The following SNX13 variants were observed in gnomAD, a reference collection of about 807,000 sequenced individuals.
SNX13 encodes sorting nexin-13.
In SNX13, 45 loss-of-function variants were observed where a neutral mutation model predicts 133.6. The ratio of observed to expected loss-of-function variants is 0.34; its 90% CI spans 0.27 to 0.43. The LOEUF (loss-of-function observed/expected upper bound fraction) is 0.43. Among genes scored for constraint, SNX13 ranks in the 20% least tolerant of loss-of-function variants. SNX13 has a pLI of 1.00. For missense variants in SNX13, 1,032 were observed against 1,145.1 expected (o/e 0.90, Z 1.43); for synonymous variants, 414 against 373.9 (o/e 1.11, Z -1.24).
At chr7:17,842,341 C>T (rs1789998076) in intron 12 of SNX13, among the ~76,000 whole-genome samples, 2 of 151,874 alleles carry the variant, frequency 1.3e-5, no homozygotes, top group Admixed American at 1.3e-4. Context: ...ATACTGTCAA[C>T]CAAGTTCCTA....
chr7:17,843,181 G>A (rs1054886130), intron 12 of SNX13, among the ~76,000 whole-genome samples: 1 of 151,924 alleles, frequency 6.6e-6, no homozygotes, highest in Non-Finnish European at 1.5e-5. Context: ...ATGATATACT[G>A]TCTACAAAGA....
In SNX13 at chr7:17,904,460, T is replaced by C. The variant is rs544058601; in HGVS notation, c.13-7014A>G. 5.3e-5 allele frequency among the ~76,000 whole-genome samples: 8 copies of C among 152,294 alleles called. No individual in the cohort carries two copies. In the South Asian group the frequency reaches 1.5e-3, roughly 28 times the overall value. On this transcript the variant is annotated intron_variant, in intron 1 of 25. Coordinates refer to ENST00000428135, the MANE Select transcript of SNX13 (RefSeq NM_015132.5). The stretch of plus-strand genomic sequence containing the variant: ...GGTTATCAGTGCTTAATTCAGCTAA[T>C]TCAGGTGTAGATTATCCTGGTTCAT...
chr7:17,809,922 T>G (rs1785803592), intron 20 of SNX13, among the ~76,000 whole-genome samples: 1 of 152,070 alleles, frequency 6.6e-6, no homozygotes, highest in African/African-American at 2.4e-5. Flanking sequence ...TTGAAACTAA[T>G]GAGAACAAAG....
intron 17 of SNX13, among the ~76,000 whole-genome samples, chr7:17,824,301 T>C (rs899035463): frequency 3.3e-5 from 5 of 152,194 alleles, no homozygotes; most frequent in Admixed American, 2.6e-4. Flanking sequence ...TAGACCACCA[T>C]TCTTGTGTGT....
chr7:17,829,498 G>A (rs1176004908), intron 16 of SNX13, among the ~76,000 whole-genome samples: 1 of 151,298 alleles, frequency 6.6e-6, no homozygotes, highest in Non-Finnish European at 1.5e-5. Flanking sequence ...CTGTAAAACT[G>A]TCTAAACTTA....
rs1799752164 is a variant in SNX13, at chr7:17,918,102, T to C, written c.13-20656A>G. Among the ~76,000 whole-genome samples, 3 of 152,094 alleles carry C rather than the reference T, an allele frequency of 2.0e-5. No individual in the cohort carries two copies. The South Asian group carries it at 6.2e-4, about 32-fold the overall frequency. On this transcript the variant is annotated intron_variant, in intron 1 of 25. Coordinates refer to ENST00000428135, the MANE Select transcript of SNX13 (RefSeq NM_015132.5). Reference sequence around the variant, plus strand: ...GTGCTGGGAAAACTGGTTAACCTCATACAAAAGAAACTGGACTACCTCTCA... The same window carrying C: ...GTGCTGGGAAAACTGGTTAACCTCACACAAAAGAAACTGGACTACCTCTCA...
chr7:17,935,286 G>A (rs988032818), intron 1 of SNX13, among the ~76,000 whole-genome samples: 1 of 152,140 alleles, frequency 6.6e-6, no homozygotes, highest in African/African-American at 2.4e-5. Context: ...AATACCACAC[G>A]ATCTCACTTA....
chr7:17,837,468 G>A (rs984319609), intron 13 of SNX13, among the ~76,000 whole-genome samples: 4 of 151,942 alleles, frequency 2.6e-5, no homozygotes, highest in African/African-American at 9.7e-5. Flanking sequence ...AATAATTTGG[G>A]AATGTAATAA....
At chr7:17,928,625 T>C (rs1801032240) in intron 1 of SNX13, among the ~76,000 whole-genome samples, 1 of 151,888 alleles carries the variant, frequency 6.6e-6, no homozygotes, top group African/African-American at 2.4e-5. Flanking sequence ...TTCAAAAAAT[T>C]CAATTATGAG....
At chr7:17,923,500 T>C (rs1405259506) in intron 1 of SNX13, among the ~76,000 whole-genome samples, 1 of 152,114 alleles carries the variant, frequency 6.6e-6, no homozygotes, top group Non-Finnish European at 1.5e-5. Flanking sequence ...TCCTCAAGAA[T>C]ACCATGATTT....
intron 5 of SNX13, among the ~76,000 whole-genome samples, chr7:17,879,230 G>A (rs917408599): frequency 2.6e-5 from 4 of 152,014 alleles, no homozygotes; most frequent in African/African-American, 7.3e-5. Context: ...ATAGAGTCTC[G>A]CTATGTTGTC....
At chr7:17,933,622 T>C (rs1255756605) in intron 1 of SNX13, among the ~76,000 whole-genome samples, 3 of 151,920 alleles carry the variant, frequency 2.0e-5, no homozygotes, top group African/African-American at 7.3e-5. Flanking sequence ...AACTATCCCC[T>C]TTTTTCTCTT....
intron 1 of SNX13, among the ~76,000 whole-genome samples, chr7:17,911,772 T>A (rs1318844685): frequency 1.3e-5 from 2 of 152,184 alleles, no homozygotes; most frequent in African/African-American, 4.8e-5. Context: ...ATTATTATCT[T>A]TTAGCGGTCA....
chr7:17,803,065 C>G (rs1054590114), intron 21 of SNX13, among the ~76,000 whole-genome samples: 2 of 152,112 alleles, frequency 1.3e-5, no homozygotes, highest in Non-Finnish European at 2.9e-5. Flanking sequence ...ACTAGTATAA[C>G]TCATCTGCAC....
chr7:17,933,406 G>A (rs1801635107), intron 1 of SNX13, among the ~76,000 whole-genome samples: 1 of 152,124 alleles, frequency 6.6e-6, no homozygotes, highest in South Asian at 2.1e-4. Flanking sequence ...AGCCAGGCGT[G>A]CTGGCACGCG....
At chr7:17,830,945 G>C (rs906751239) in intron 15 of SNX13, 1 of 984,382 alleles carries the variant, frequency 1.0e-6, no homozygotes, top group Non-Finnish European at 1.2e-6. Flanking sequence ...AAATGCTCAA[G>C]AACATTTCTT....
Position 17,793,690 on chromosome 7 carries a change from T to G in SNX13, c.*355A>C. On this transcript the variant is annotated 3_prime_UTR_variant, in exon 26 of 26. Transcript: ENST00000428135. ...AATTAGCCAATTTATCTCTGAACCATTGTTTTGTGCTTTCCTTAGCTTTCA... is the reference window on the plus strand; with the variant it reads ...AATTAGCCAATTTATCTCTGAACCAGTGTTTTGTGCTTTCCTTAGCTTTCA... 1 of 174,838 alleles carries G rather than the reference T, an allele frequency of 5.7e-6. No individual in the cohort carries two copies. 10.8% of individuals were successfully genotyped at this position (174,838 alleles called of 1,614,324 possible).
Position 17,802,740 on chromosome 7 carries a change from A to G in SNX13, c.2226+679T>C, listed in dbSNP as rs189727633. The stretch of plus-strand genomic sequence containing the variant: ...ATATACATTTCCCCTACATTCAAGC[A>G]TAATCTATCAAGTACAAAATTCTAA... On this transcript the variant is annotated intron_variant, in intron 21 of 25. Coordinates refer to ENST00000428135, the MANE Select transcript of SNX13 (RefSeq NM_015132.5). Among the ~76,000 whole-genome samples, 431 of 152,302 alleles carry G rather than the reference A, an allele frequency of 2.8e-3. 12 individuals carry two copies. Among genetic ancestry groups the G allele is most frequent in the Admixed American group, 0.026 (390 of 15,292 alleles).
rs1289471310 is a variant in SNX13 at position 17,801,009 on chromosome 7, C to CTT, written c.2298+578_2298+579insAA. Among the ~76,000 whole-genome samples, 56 of 120,210 alleles carry CTT rather than the reference C, an allele frequency of 4.7e-4. 1 individual carries two copies. Among genetic ancestry groups the CTT allele is most frequent in the African/African-American group, 1.3e-3 (46 of 35,300 alleles). 78.9% of individuals were successfully genotyped at this position (120,210 alleles called of 152,430 possible). ...CTTGGCAGTATCTACTAAAACTGAA[C>CTT]ATATATATATATATATATATATATA... On this transcript the variant is annotated intron_variant, in intron 22 of 25. Coordinates refer to ENST00000428135, the MANE Select transcript of SNX13 (RefSeq NM_015132.5).
Sources: allele counts gnomAD v4.1 joint callset (sites outside exome capture counted in the v4.1 genomes callset), GRCh38; gene constraint gnomAD v4.1.1; transcripts MANE v1.5; gene names NCBI Gene and HGNC (gene_info 2026-07-23, HGNC 2026-07-21).